The following DLG2 variants were observed in gnomAD, a reference collection of about 807,000 sequenced individuals.
The protein encoded by DLG2 is discs large MAGUK scaffold protein 2, also known as disks large homolog 2.
Under a neutral mutation model 132.5 loss-of-function variants are expected in DLG2, and 45 were observed. That is an observed-to-expected ratio of 0.34 (90% CI 0.27 to 0.44). The LOEUF is 0.44. Ranked by LOEUF, DLG2 falls within the 20% of genes least tolerant of loss-of-function variation. DLG2 has a pLI of 1.00. For synonymous variants in DLG2, 424 were observed against 419.6 expected (o/e 1.01, Z -0.13); for missense variants, 1,045 against 1,196.9 (o/e 0.87, Z 1.87).
chr11:84,002,109 G>T (rs930506086), intron 11 of DLG2, among the ~76,000 whole-genome samples: 65 of 151,882 alleles, frequency 4.3e-4, no homozygotes, highest in African/African-American at 1.5e-3. Flanking sequence ...ACAATATAAG[G>T]GTCAACAAAA....
At chr11:85,520,791 G>A (rs569816579) in intron 3 of DLG2, among the ~76,000 whole-genome samples, 9 of 152,250 alleles carry the variant, frequency 5.9e-5, no homozygotes, top group African/African-American at 2.2e-4. Context: ...AAAGGGTGCT[G>A]GGAAAGCTGG....
intron 17 of DLG2, among the ~76,000 whole-genome samples, chr11:83,787,340 T>TTTTTTTTTAG: frequency 9.7e-6 from 1 of 102,746 alleles, no homozygotes; most frequent in East Asian, 3.0e-4. Context: ...TTTTTTTTTT[T>TTTTTTTTTAG]AGACAGAGTC....
At chr11:83,478,610 A>G (rs770690689) in intron 22 of DLG2, among the ~76,000 whole-genome samples, 12 of 152,114 alleles carry the variant, frequency 7.9e-5, no homozygotes, top group Non-Finnish European at 5.9e-5. Context: ...TCTGAAACAG[A>G]GAAGAGAAGC....
chr11:84,478,127 TG>T (rs1189789855), intron 7 of DLG2, among the ~76,000 whole-genome samples: 3 of 152,178 alleles, frequency 2.0e-5, no homozygotes, highest in African/African-American at 7.2e-5. Flanking sequence ...GGTTAATAGA[TG>T]CACACTGTTA....
intron 8 of DLG2, among the ~76,000 whole-genome samples, chr11:84,218,657 T>C (rs2096873087): frequency 6.6e-6 from 1 of 152,106 alleles, no homozygotes; most frequent in Admixed American, 6.5e-5. Flanking sequence ...TGGGTCACTG[T>C]GTGGAAGAAA....
At chr11:84,654,350 A>T (rs143774330) in intron 6 of DLG2, among the ~76,000 whole-genome samples, 29 of 152,288 alleles carry the variant, frequency 1.9e-4, no homozygotes, top group Admixed American at 1.2e-3. Context: ...GCCCTACATC[A>T]TCTAAAGCAT....
At chr11:84,191,955 C>G (rs1266449665) in intron 8 of DLG2, among the ~76,000 whole-genome samples, 2 of 144,638 alleles carry the variant, frequency 1.4e-5, no homozygotes, top group African/African-American at 5.1e-5. Context: ...TTGGAATTTC[C>G]CCTGGCTATT....
intron 3 of DLG2, among the ~76,000 whole-genome samples, chr11:85,568,102 C>T (rs145452989): frequency 4.2e-4 from 63 of 150,912 alleles, no homozygotes; most frequent in African/African-American, 1.5e-3. Flanking sequence ...GAAACCTCTG[C>T]CTCCCAGGTA....
intron 3 of DLG2, among the ~76,000 whole-genome samples, chr11:85,535,537 G>C (rs1343880774): frequency 6.6e-6 from 1 of 152,080 alleles, no homozygotes; most frequent in African/African-American, 2.4e-5. Context: ...TTGCTGATGG[G>C]ATTGCAAATT....
chr11:84,245,270 C>T (rs1032187469), intron 8 of DLG2, among the ~76,000 whole-genome samples: 1 of 152,118 alleles, frequency 6.6e-6, no homozygotes, highest in Admixed American at 6.5e-5. Context: ...CTCTCTTGTC[C>T]TTGGCCCCAG....
chr11:84,817,654 T>C (rs1405928112), intron 6 of DLG2, among the ~76,000 whole-genome samples: 1 of 152,020 alleles, frequency 6.6e-6, no homozygotes, highest in Non-Finnish European at 1.5e-5. Flanking sequence ...TTTAGGTTAA[T>C]GCATATTATG....
At chr11:84,733,600 T>C (rs1425137293) in intron 6 of DLG2, among the ~76,000 whole-genome samples, 1 of 152,234 alleles carries the variant, frequency 6.6e-6, no homozygotes, top group African/African-American at 2.4e-5. Context: ...CTGTTCACTC[T>C]GAGGGTAGTT....
chr11:84,867,114 T>C (rs1041610862), intron 6 of DLG2, among the ~76,000 whole-genome samples: 6 of 152,226 alleles, frequency 3.9e-5, no homozygotes, highest in Admixed American at 2.0e-4. Context: ...TGTTTCTAAC[T>C]GGGAGCTAGG....
chr11:85,050,814 A>T (rs975377270), intron 6 of DLG2, among the ~76,000 whole-genome samples: 2 of 152,162 alleles, frequency 1.3e-5, no homozygotes, highest in Admixed American at 1.3e-4. Context: ...GTCTCAATGT[A>T]TAAAACCTAC....
At chr11:84,761,717 A>G (rs2067651512) in intron 6 of DLG2, among the ~76,000 whole-genome samples, 1 of 152,124 alleles carries the variant, frequency 6.6e-6, no homozygotes, top group South Asian at 2.1e-4. Flanking sequence ...TCTACTACAG[A>G]CTGAAGGCTG....
intron 3 of DLG2, among the ~76,000 whole-genome samples, chr11:85,465,869 A>G (rs2092771905): frequency 6.6e-6 from 1 of 151,972 alleles, no homozygotes; most frequent in Non-Finnish European, 1.5e-5. Context: ...TAGATCCCTG[A>G]GGAATCGCCA....
chr11:85,127,634 A>G (rs1182608544), intron 5 of DLG2, among the ~76,000 whole-genome samples: 1 of 152,196 alleles, frequency 6.6e-6, no homozygotes, highest in Non-Finnish European at 1.5e-5. Flanking sequence ...AATAAAATGA[A>G]TGAATAAATG....
chr11:84,532,463 A>G (rs2099345167), intron 7 of DLG2, among the ~76,000 whole-genome samples: 1 of 152,014 alleles, frequency 6.6e-6, no homozygotes, highest in African/African-American at 2.4e-5. Context: ...AAAGGTTGGG[A>G]AGGGAGAAAG....
intron 16 of DLG2, among the ~76,000 whole-genome samples, chr11:83,850,637 T>C (rs538957429): frequency 6.6e-6 from 1 of 152,158 alleles, no homozygotes; most frequent in Non-Finnish European, 1.5e-5. Context: ...GGTGGAGACA[T>C]GAAGGCAGAG....
Sources: allele counts gnomAD v4.1 joint callset (sites outside exome capture counted in the v4.1 genomes callset), GRCh38; gene constraint gnomAD v4.1.1; transcripts MANE v1.5; gene names NCBI Gene and HGNC (gene_info 2026-07-23, HGNC 2026-07-21).